C10orf90: variants seen among roughly 807,000 people sequenced by gnomAD.
The protein encoded by C10orf90 is (E2-independent) E3 ubiquitin-conjugating enzyme FATS.
In C10orf90, 56 loss-of-function variants were observed where a neutral mutation model predicts 62.5. That is an observed-to-expected ratio of 0.90 (90% CI 0.72 to 1.12). The LOEUF (loss-of-function observed/expected upper bound fraction) is 1.12, where lower values mean the gene tolerates loss of function less well. Ranked by LOEUF, C10orf90 falls within the 50% of genes most tolerant of loss-of-function variation. The probability of loss-of-function intolerance (pLI) is 0.00; values close to 1 mark genes in which losing one functional copy is unlikely to be tolerated. For synonymous variants in C10orf90, 386 were observed against 340.4 expected, an observed-to-expected ratio of 1.13 and a Z score of -1.47; for missense variants, 970 against 880.4, an observed-to-expected ratio of 1.10 and a Z score of -1.29.
Position 126,649,077 on chromosome 10 carries a change from C to CCA in C10orf90, c.241-2441_241-2440insTG, listed in dbSNP as rs1554932162. On this transcript the variant is annotated intron_variant, in intron 1 of 9. Coordinates refer to ENST00000488181, the MANE Select transcript of C10orf90 (RefSeq NM_001350921.2). ...CTCTCTCTCTCTCTCTCTCTCCCCC[C>CCA]CCCCCAGCAATTCACAATGGATGGC... 1.0e-3 allele frequency among the ~76,000 whole-genome samples: 121 copies of CCA among 118,080 alleles called. 2 individuals are homozygous for CCA. The Middle Eastern group carries it at 0.026, about 26-fold the overall frequency. 77.5% of individuals were successfully genotyped at this position (118,080 alleles called of 152,430 possible). A position where few individuals can be genotyped will look rare whatever the true frequency, so the allele number is the denominator to read the frequency against.
intron 2 of C10orf90, among the ~76,000 whole-genome samples, chr10:126,594,430 C>A (rs1166236292): frequency 6.6e-6 from 1 of 152,026 alleles, no homozygotes; most frequent in African/African-American, 2.4e-5. Context: ...CAGGGGACAT[C>A]CTCCTGAGTT....
At chr10:126,539,653 A>G (rs1864329413) in intron 2 of C10orf90, among the ~76,000 whole-genome samples, 1 of 152,234 alleles carries the variant, frequency 6.6e-6, no homozygotes, top group Non-Finnish European at 1.5e-5. Context: ...AAGAAATATA[A>G]TACTTATTTT....
At chr10:126,426,838 A>G (rs1344656271) in intron 8 of C10orf90, among the ~76,000 whole-genome samples, 1 of 152,250 alleles carries the variant, frequency 6.6e-6, no homozygotes, top group East Asian at 1.9e-4. Context: ...ATGTTCCACC[A>G]TTAAAATAAT....
chr10:126,499,250 G>T (rs1447780773), intron 4 of C10orf90, among the ~76,000 whole-genome samples: 1 of 152,110 alleles, frequency 6.6e-6, no homozygotes, highest in East Asian at 1.9e-4. Context: ...TCAATGGCAG[G>T]CCCCATCTCC....
intron 3 of C10orf90, among the ~76,000 whole-genome samples, chr10:126,512,392 GTGTGTGTGTGTCTGTGTGTC>G (rs1564847152): frequency 0.052 from 756 of 14,470 alleles, 7 homozygotes; most frequent in Middle Eastern, 0.1. Context: ...GTGTCTGTGT[GTGTGTGTGTGTCTGTGTGTC>G]TGTGTGTGTG....
chr10:126,479,259 G>A (rs2133797054), intron 4 of C10orf90, among the ~76,000 whole-genome samples: 1 of 152,334 alleles, frequency 6.6e-6, no homozygotes, highest in African/African-American at 2.4e-5. Context: ...ATGGAGCTGG[G>A]GCTCAGGTTC....
intron 2 of C10orf90, among the ~76,000 whole-genome samples, chr10:126,539,410 G>T (rs1864322756): frequency 6.6e-6 from 1 of 152,150 alleles, no homozygotes; most frequent in South Asian, 2.1e-4. Flanking sequence ...TTGTTAATGG[G>T]AGTCTCTGCA....
At chr10:126,579,118 G>A (rs1844689954) in intron 2 of C10orf90, among the ~76,000 whole-genome samples, 1 of 151,618 alleles carries the variant, frequency 6.6e-6, no homozygotes, top group Non-Finnish European at 1.5e-5. Context: ...GACATTTAGT[G>A]TCACTTGCCA....
At chr10:126,599,013 A>G (rs1369351292) in intron 2 of C10orf90, among the ~76,000 whole-genome samples, 2 of 152,156 alleles carry the variant, frequency 1.3e-5, no homozygotes, top group South Asian at 4.1e-4. Flanking sequence ...TTTGTTGACA[A>G]TAACAGAGAA....
Position 126,470,405 on chromosome 10 carries a change from TA to T in C10orf90, c.1535-5420del, listed in dbSNP as rs1860518069. The stretch of plus-strand genomic sequence containing the variant: ...CAATTACAATATGTGGAAGATGAAA[TA>T]AAAGAAAGTCAAGTTAATTTGTGGC... On this transcript the variant is annotated intron_variant, in intron 4 of 9. Transcript: ENST00000488181. Among the ~76,000 whole-genome samples, 2 of 151,956 alleles carry T rather than the reference TA, an allele frequency of 1.3e-5. 1 individual carries two copies. Among genetic ancestry groups the T allele is most frequent in the South Asian group, 4.2e-4 (2 of 4,812 alleles).
chr10:126,564,387 C>T (rs1238461193), intron 2 of C10orf90, among the ~76,000 whole-genome samples: 4 of 151,820 alleles, frequency 2.6e-5, no homozygotes, highest in Non-Finnish European at 5.9e-5. Flanking sequence ...CTGTGGGTGC[C>T]ATCCTCCTTC....
At chr10:126,432,416 T>C (rs993718985) in intron 7 of C10orf90, among the ~76,000 whole-genome samples, 9 of 152,164 alleles carry the variant, frequency 5.9e-5, no homozygotes, top group Non-Finnish European at 1.2e-4. Context: ...GAAACAAAAA[T>C]AACAGATAAG....
At chr10:126,641,097 T>C (rs1846049958) in intron 2 of C10orf90, among the ~76,000 whole-genome samples, 1 of 152,192 alleles carries the variant, frequency 6.6e-6, no homozygotes, top group South Asian at 2.1e-4. Flanking sequence ...ATAAATGTGG[T>C]GTCCCTTCTA....
intron 4 of C10orf90, among the ~76,000 whole-genome samples, chr10:126,493,882 T>G (rs974680404): frequency 6.6e-6 from 1 of 152,220 alleles, no homozygotes; most frequent in Non-Finnish European, 1.5e-5. Context: ...CTCCCTGATG[T>G]CTAGCATGCT....
intron 2 of C10orf90, among the ~76,000 whole-genome samples, chr10:126,536,921 A>T (rs1864252902): frequency 1.3e-5 from 2 of 152,326 alleles, no homozygotes; most frequent in South Asian, 4.1e-4. Context: ...AACCTGCAAT[A>T]GGAACACCTG....
chr10:126,465,787 C>A (rs550020109), intron 4 of C10orf90, among the ~76,000 whole-genome samples: 46 of 152,310 alleles, frequency 3.0e-4, no homozygotes, highest in African/African-American at 1.0e-3. Context: ...TACATTCATG[C>A]TCTGCAATGG....
At chr10:126,467,963 C>T (rs2133754058) in intron 4 of C10orf90, among the ~76,000 whole-genome samples, 1 of 152,342 alleles carries the variant, frequency 6.6e-6, no homozygotes, top group East Asian at 1.9e-4. Context: ...CAGGACCACT[C>T]ACCTCAACTG....
intron 7 of C10orf90, among the ~76,000 whole-genome samples, chr10:126,435,335 G>A (rs2134002290): frequency 6.6e-6 from 1 of 152,354 alleles, no homozygotes; most frequent in South Asian, 2.1e-4. Flanking sequence ...CTCAGTTTGA[G>A]AAGCAAGGTG....
intron 4 of C10orf90, among the ~76,000 whole-genome samples, chr10:126,493,497 A>G (rs551523744): frequency 6.6e-6 from 1 of 151,762 alleles, no homozygotes; most frequent in Non-Finnish European, 1.5e-5. Flanking sequence ...AGTAGCTGGG[A>G]TTACAGGTGC....
Sources: gnomAD v4.1 joint callset for allele counts (sites outside exome capture counted in the v4.1 genomes callset) on GRCh38, gnomAD v4.1.1 for gene constraint, MANE v1.5 for transcripts, NCBI Gene and HGNC (gene_info 2026-07-23, HGNC 2026-07-21) for gene names.